SIX4: variants seen among roughly 807,000 people sequenced by gnomAD.
SIX4 encodes SIX homeobox 4.
SIX4 carries 23 observed loss-of-function variants against 51.5 expected under a neutral mutation model. That is an observed-to-expected ratio of 0.45 (90% CI 0.32 to 0.63). SIX4 has a LOEUF of 0.63. SIX4 is among the 30% of genes least tolerant of loss of function. The probability of loss-of-function intolerance (pLI) is 0.04; values close to 1 mark genes in which losing one functional copy is unlikely to be tolerated. For missense variants in SIX4, 867 were observed against 984.0 expected (o/e 0.88, Z 1.59); for synonymous variants, 413 against 417.3 (o/e 0.99, Z 0.13).
chr14:60,723,229 G>A lies in SIX4; in HGVS notation c.846C>T (p.Ser282=), dbSNP rs747092719. The A allele has an allele frequency of 6.2e-7, 1 of 1,612,372 alleles. No homozygotes were observed. The highest frequency in any genetic ancestry group is 8.5e-7 in the Non-Finnish European group (1 of 1,179,526). The part of the protein sequence containing the change: ...KNRRQRDRNP[S]ETQSKSESDG... Reference sequence around the variant, plus strand: ...GCGCTCACCTTTTGGACTGGGTCTCGGAGGGGTTCCTGTCGCGCTGCCGGC... The same window carrying A: ...GCGCTCACCTTTTGGACTGGGTCTCAGAGGGGTTCCTGTCGCGCTGCCGGC... Residue 282 remains serine, a synonymous_variant, in exon 1 of 3, where the codon TCC becomes TCT. Coordinates refer to ENST00000216513, the MANE Select transcript of SIX4 (RefSeq NM_017420.5).
chr14:60,714,113 G>C lies in SIX4; in HGVS notation c.1640C>G (p.Ser547Cys). ...TVQQGKVFLSSLAPSAVVYTV... is the reference protein window; with the variant it reads ...TVQQGKVFLSCLAPSAVVYTV... ...GTATACCACTGCACTGGGAGCAAGAGAGCTCAAGAAAACCTTTCCTTGCTG... is the reference window on the plus strand; with the variant it reads ...GTATACCACTGCACTGGGAGCAAGACAGCTCAAGAAAACCTTTCCTTGCTG... Residue 547 changes from serine to cysteine, a missense_variant, in exon 3 of 3, where the codon TCT (serine) becomes TGT (cysteine). Ser to Cys is a moderately radical substitution (Grantham distance 112). Coordinates refer to ENST00000216513, the MANE Select transcript of SIX4 (RefSeq NM_017420.5). The C allele has an allele frequency of 6.2e-7, 1 of 1,613,996 alleles. No homozygotes were observed. Among genetic ancestry groups the C allele is most frequent in the Admixed American group, 1.7e-5 (1 of 60,010 alleles).
rs936379025 is a variant in SIX4, at chr14:60,722,308, C to T, written c.863+904G>A. On this transcript the variant is annotated intron_variant, in intron 1 of 2. Transcript: ENST00000216513. The surrounding 1 kb of genome is among the most constrained non-coding windows in gnomAD (Gnocchi z 5.9). ...TTTTTTACCAGAGGGGGAAAGCAGT[C>T]TGCCAGGCAAAAAGCTCAAACCCAG... Among the ~76,000 whole-genome samples the T allele has an allele frequency of 6.6e-6, 1 of 152,146 alleles. No homozygotes were observed. Among genetic ancestry groups the T allele is most frequent in the African/African-American group, 2.4e-5 (1 of 41,452 alleles).
At position 60,720,435 on chromosome 14, in the gene SIX4, C is replaced by T. The variant is rs1367036432; in HGVS notation, c.874G>A (p.Gly292Ser). The T allele has an allele frequency of 6.2e-7, 1 of 1,612,414 alleles. No homozygotes were observed. The highest frequency in any genetic ancestry group is 1.7e-5 in the Admixed American group (1 of 59,884). Reference sequence around the variant, plus strand: ...GATTCATCTTCAGTGCTGGGGTTGCCATCTGACTCACTGTATGGAGGGGGA... The same window carrying T: ...GATTCATCTTCAGTGCTGGGGTTGCTATCTGACTCACTGTATGGAGGGGGA... ...SETQSKSESD[G>S]NPSTEDESSK... Residue 292 changes from glycine to serine, a missense_variant, in exon 2 of 3, where the codon GGC becomes AGC. Transcript: ENST00000216513. This position sits in a 1 kb window ranked among gnomAD's most constrained non-coding sequence, Gnocchi z 5.5.
chr14:60,722,904 C>A lies in SIX4; in HGVS notation c.863+308G>T. On this transcript the variant is annotated intron_variant, in intron 1 of 2. Transcript: ENST00000216513. This position sits in a 1 kb window ranked among gnomAD's most constrained non-coding sequence, Gnocchi z 5.9. Reference sequence around the variant, plus strand: ...GAGAGGGTGGCAACTTCAAAGCCAGCGGGATGGGGGTGGGAAGCTGGGCAG... The same window carrying A: ...GAGAGGGTGGCAACTTCAAAGCCAGAGGGATGGGGGTGGGAAGCTGGGCAG... 1 of 269,730 alleles carries A rather than the reference C, an allele frequency of 3.7e-6. No homozygotes were observed. The highest frequency in any genetic ancestry group is 6.0e-6 in the Non-Finnish European group (1 of 165,794). 16.7% of individuals were successfully genotyped at this position (269,730 alleles called of 1,614,324 possible). A position where few individuals can be genotyped will look rare whatever the true frequency, so the allele number is the denominator to read the frequency against.
At position 60,712,062 on chromosome 14, in the gene SIX4, CAT is replaced by C. The variant is rs764470393; in HGVS notation, c.*1343_*1344del. ...ATGATAATATAGTGCAAACAACAGT[CAT>C]GTGTCAGAGTGTAACAACTGATTCA... On this transcript the variant is annotated 3_prime_UTR_variant, in exon 3 of 3. Transcript: ENST00000216513. 6.6e-6 allele frequency: 1 copy of C among 152,592 alleles called. No individual in the cohort carries two copies. Among genetic ancestry groups the C allele is most frequent in the African/African-American group, 2.4e-5 (1 of 41,450 alleles). The allele number at this position is 152,592 out of a possible 1,614,324, so 9.5% of individuals were successfully genotyped here.
In SIX4 at chr14:60,710,854, G is replaced by A. The variant is rs552470160; in HGVS notation, c.*2553C>T. 6 of 152,552 alleles carry A rather than the reference G, an allele frequency of 3.9e-5. No individual in the cohort carries two copies. The South Asian group carries it at 1.0e-3, about 26-fold the overall frequency. The allele number at this position is 152,552 out of a possible 1,614,324, so 9.4% of individuals were successfully genotyped here. A position where few individuals can be genotyped will look rare whatever the true frequency, so the allele number is the denominator to read the frequency against. ...TGTGTAGCTACCTGAAGTAATTGTA[G>A]GGTTATAATTACATCATGGTGGGAA... is the stretch of plus-strand genomic sequence containing the variant. On this transcript the variant is annotated 3_prime_UTR_variant, in exon 3 of 3. Transcript: ENST00000216513.
Position 60,723,769 on chromosome 14 carries a change from C to T in SIX4, c.306G>A (p.Ala102=), listed in dbSNP as rs533898923. 5 of 1,538,346 alleles carry T rather than the reference C, an allele frequency of 3.3e-6. No individual in the cohort carries two copies. The highest frequency in any genetic ancestry group is 3.6e-4 in the Middle Eastern group (2 of 5,618). ...GRHHHAAAAA[A]QTPLAFSPDH... ...CGGGCGAGAAGGCCAGCGGGGTCTG[C>T]GCGGCGGCGGCGGCGGCGTGGTGGT... is the stretch of plus-strand genomic sequence containing the variant. Residue 102 remains alanine, a synonymous_variant, in exon 1 of 3, where the codon GCG becomes GCA. Coordinates refer to ENST00000216513, the MANE Select transcript of SIX4 (RefSeq NM_017420.5).
At chr14:60,723,014 G>T in intron 1 of SIX4, 198 bp downstream of exon 1, 2 of 1,247,030 alleles carry the variant, frequency 1.6e-6, no homozygotes, top group Non-Finnish European at 1.1e-6. Flanking sequence ...GGGTAAGGAG[G>T]GAGGTTCCCC....
chr14:60,713,966 G>T lies in SIX4; in HGVS notation c.1787C>A (p.Ser596Tyr). 4 of 1,614,158 alleles carry T rather than the reference G, an allele frequency of 2.5e-6. No homozygotes were observed. The East Asian group carries it at 8.9e-5, about 36-fold the overall frequency. ...QNAQVNANLS[S>Y]ENISGSGLHP... Reference sequence around the variant, plus strand: ...CAGGCCACTCCCCGAGATGTTTTCAGAAGACAGGTTTGCATTTACTTGTGC... The same window carrying T: ...CAGGCCACTCCCCGAGATGTTTTCATAAGACAGGTTTGCATTTACTTGTGC... Residue 596 changes from serine (S) to tyrosine (Y), a missense_variant, in exon 3 of 3, where the codon TCT becomes TAT. Transcript: ENST00000216513.
rs1895803040 is a variant in SIX4 at position 60,710,624 on chromosome 14, A to G, written c.*2783T>C. The G allele has an allele frequency of 6.6e-6, 1 of 152,554 alleles. No homozygotes were observed. The highest frequency in any genetic ancestry group is 6.6e-5 in the Admixed American group (1 of 15,262). 9.5% of individuals were successfully genotyped at this position (152,554 alleles called of 1,614,324 possible). A position where few individuals can be genotyped will look rare whatever the true frequency, so the allele number is the denominator to read the frequency against. On this transcript the variant is annotated 3_prime_UTR_variant, in exon 3 of 3. Transcript: ENST00000216513. ...CAAGCATTGGTTTATGTAAGAGGGA[A>G]ATTCTGCCACATGACTCCAAGGGTT...
In SIX4 at chr14:60,713,418, G is replaced by A. The variant is rs1265694770; in HGVS notation, c.2335C>T (p.Gln779Ter). Reference protein sequence around the residue: ...LQTVQLDEDMQDL With the variant: ...LQTVQLDEDM The stretch of plus-strand genomic sequence containing the variant: ...GGAGGAAATAAAGTTCATAAGTCTT[G>A]CATATCTTCATCCAGCTGGACAGTC... Residue 779 changes from glutamine (Q) to a stop codon, truncating the protein, a stop_gained, in exon 3 of 3, where the codon CAA becomes TAA. Coordinates refer to ENST00000216513, the MANE Select transcript of SIX4 (RefSeq NM_017420.5). LOFTEE classifies it high-confidence loss of function. The A allele has an allele frequency of 6.3e-7, 1 of 1,597,860 alleles. No individual in the cohort carries two copies.
Position 60,723,296 on chromosome 14 carries a change from G to A in SIX4, c.779C>T (p.Thr260Ile). The change falls in exon 1 of 3, where the codon ACC becomes ATC. Residue 260 changes from threonine (T) to isoleucine (I), a missense_variant. Thr to Ile is a moderately conservative substitution (Grantham distance 89). Transcript: ENST00000216513. Reference sequence around the variant, plus strand: ...GCTGACCTGGGTGAGGGAGAGGCCGGTGATCTTGGCCAGGTGCCGCTTCTC... The same window carrying A: ...GCTGACCTGGGTGAGGGAGAGGCCGATGATCTTGGCCAGGTGCCGCTTCTC... ...PAEKRHLAKITGLSLTQVSNW... is the reference protein window; with the variant it reads ...PAEKRHLAKIIGLSLTQVSNW... The A allele has an allele frequency of 1.2e-6, 2 of 1,613,496 alleles. No individual in the cohort carries two copies. Among genetic ancestry groups the A allele is most frequent in the Non-Finnish European group, 1.7e-6 (2 of 1,180,012 alleles).
chr14:60,723,005 G>C, intron 1 of SIX4: 1 of 1,117,164 alleles, frequency 9.0e-7, no homozygotes, highest in South Asian at 1.8e-5. Context: ...AGAGGGGGAG[G>C]GTAAGGAGGG....
In SIX4 at chr14:60,710,643, A is replaced by C. The variant is rs1345683784; in HGVS notation, c.*2764T>G. On this transcript the variant is annotated 3_prime_UTR_variant, in exon 3 of 3. Transcript: ENST00000216513. ...GAGGGAAATTCTGCCACATGACTCC[A>C]AGGGTTCTGAGTCTGGCCCTTGGTA... is the stretch of plus-strand genomic sequence containing the variant. The C allele has an allele frequency of 2.0e-5, 3 of 152,612 alleles. No individual in the cohort carries two copies. The highest frequency in any genetic ancestry group is 4.4e-5 in the Non-Finnish European group (3 of 68,028). 9.5% of individuals were successfully genotyped at this position (152,612 alleles called of 1,614,324 possible).
At chr14:60,716,503 G>A (rs1174908329) in intron 2 of SIX4, among the ~76,000 whole-genome samples, 2 of 151,880 alleles carry the variant, frequency 1.3e-5, no homozygotes, top group Admixed American at 6.6e-5. Flanking sequence ...CACCCGCCTC[G>A]GCCTCCCAAA....
chr14:60,721,013 ACT>A, intron 1 of SIX4: 2 of 985,786 alleles, frequency 2.0e-6, no homozygotes, highest in Non-Finnish European at 2.4e-6. Context: ...CAGACTGACA[ACT>A]CTCTCATTCA....
In SIX4 at chr14:60,713,154, T is replaced by C; in HGVS notation, c.*253A>G. On this transcript the variant is annotated 3_prime_UTR_variant, in exon 3 of 3. Coordinates refer to ENST00000216513, the MANE Select transcript of SIX4 (RefSeq NM_017420.5). ...AACTAAATGATTCACTTTGACTTGA[T>C]ACATTTCACCTTGTCCTTTGTCTCC... The C allele has an allele frequency of 2.7e-6, 1 of 370,078 alleles. No individual in the cohort carries two copies. Among genetic ancestry groups the C allele is most frequent in the Non-Finnish European group, 4.8e-6 (1 of 208,584 alleles). 22.9% of individuals were successfully genotyped at this position (370,078 alleles called of 1,614,324 possible). A position where few individuals can be genotyped will look rare whatever the true frequency, so the allele number is the denominator to read the frequency against.
Position 60,720,104 on chromosome 14 carries a change from C to A in SIX4, c.1205G>T (p.Ser402Ile). Residue 402 changes from serine to isoleucine, a missense_variant, in exon 2 of 3, where the codon AGC (serine) becomes ATC (isoleucine). Ser to Ile is a moderately radical substitution (Grantham distance 142). Coordinates refer to ENST00000216513, the MANE Select transcript of SIX4 (RefSeq NM_017420.5). This position sits in a 1 kb window ranked among gnomAD's most constrained non-coding sequence, Gnocchi z 5.5. The part of the protein sequence containing the change: ...NPPKMSSNIV[S>I]NGISMTDILG... The stretch of plus-strand genomic sequence containing the variant: ...TATGTCAGTCATGGATATACCATTG[C>A]TCACAATGTTTGATGACATTTTTGG... The A allele has an allele frequency of 1.2e-6, 2 of 1,614,206 alleles. No individual in the cohort carries two copies. The highest frequency in any genetic ancestry group is 1.7e-6 in the Non-Finnish European group (2 of 1,180,036).
Position 60,714,059 on chromosome 14 carries a change from C to A in SIX4, c.1694G>T (p.Gly565Val). 6.2e-7 allele frequency: 1 copy of A among 1,614,144 alleles called. No homozygotes were observed. Among genetic ancestry groups the A allele is most frequent in the Non-Finnish European group, 8.5e-7 (1 of 1,180,028 alleles). The change falls in exon 3 of 3, where the codon GGA becomes GTA. Residue 565 changes from glycine (G) to valine (V), a missense_variant. By Grantham distance (109) the Gly-to-Val change is moderately radical (BLOSUM62 -3). Coordinates refer to ENST00000216513, the MANE Select transcript of SIX4 (RefSeq NM_017420.5). ...TTCCAAGCCTTCCTGTTTCACAGAT[C>A]CTATAGTCTGGCCTGTATTAGGAAC... ...YTVPNTGQTI[G>V]SVKQEGLERS... is the part of the protein sequence containing the mutation.
Sources: gnomAD v4.1 joint callset for allele counts (sites outside exome capture counted in the v4.1 genomes callset) on GRCh38, gnomAD v4.1.1 for gene constraint, Gnocchi (gnomAD v3.1) non-coding constraint, MANE v1.5 for transcripts, NCBI Gene and HGNC (gene_info 2026-07-23, HGNC 2026-07-21) for gene names.